Variants in PPP2R1A observed in about 807,000 individuals in gnomAD.
PPP2R1A encodes the protein serine/threonine-protein phosphatase 2A 65 kDa regulatory subunit A alpha isoform.
PPP2R1A carries 15 observed loss-of-function variants against 67.1 expected under a neutral mutation model. The ratio of observed to expected loss-of-function variants is 0.22; its 90% CI spans 0.15 to 0.34. The LOEUF (loss-of-function observed/expected upper bound fraction) is 0.34. Ranked by LOEUF, PPP2R1A falls within the 10% of genes least tolerant of loss-of-function variation. The pLI is 1.00. For synonymous variants in PPP2R1A, 337 were observed against 325.0 expected, an observed-to-expected ratio of 1.04 and a Z score of -0.40; for missense variants, 369 against 775.0, an observed-to-expected ratio of 0.48 and a Z score of 6.22.
At chr19:52,207,387 C>T (rs2089615325) in intron 3 of PPP2R1A, among the ~76,000 whole-genome samples, 1 of 152,138 alleles carries the variant, frequency 6.6e-6, no homozygotes, top group South Asian at 2.1e-4. Context: ...TCAACAAGGG[C>T]CCCCAGGGTC....
chr19:52,222,734 G>T (rs536372047), intron 13 of PPP2R1A, among the ~76,000 whole-genome samples: 5 of 152,148 alleles, frequency 3.3e-5, no homozygotes, highest in African/African-American at 1.2e-4. Flanking sequence ...AAAATTAGCC[G>T]GTGCGGTAGC....
At chr19:52,193,186 C>A (rs1412477385) in intron 1 of PPP2R1A, among the ~76,000 whole-genome samples, 2 of 152,166 alleles carry the variant, frequency 1.3e-5, no homozygotes, top group African/African-American at 4.8e-5. Flanking sequence ...ATGGCCAAAG[C>A]TGTGCAGCTG....
At position 52,191,644 on chromosome 19, in the gene PPP2R1A, A is replaced by G. The variant is rs556144165; in HGVS notation, c.78+1470A>G. On this transcript the variant is annotated intron_variant, in intron 1 of 14. Coordinates refer to ENST00000322088, the MANE Select transcript of PPP2R1A (RefSeq NM_014225.6). ...TGTTACTGATTGACAAGGGCAAGTT[A>G]GTTAATCTCTCTAGGCCTGTTTCCT... 6.6e-5 allele frequency among the ~76,000 whole-genome samples: 10 copies of G among 152,268 alleles called. No homozygotes were observed. The East Asian group carries it at 1.9e-3, about 29-fold the overall frequency.
chr19:52,197,419 A>G (rs1160867102), intron 1 of PPP2R1A, among the ~76,000 whole-genome samples: 1 of 152,144 alleles, frequency 6.6e-6, no homozygotes, highest in African/African-American at 2.4e-5. Flanking sequence ...TCATGCCTAT[A>G]ATCCTAGCAT....
intron 13 of PPP2R1A, among the ~76,000 whole-genome samples, chr19:52,223,876 A>G (rs139903951): frequency 5.9e-5 from 9 of 152,300 alleles, no homozygotes; most frequent in Admixed American, 3.9e-4. Context: ...CTGGGTCTCT[A>G]TCCAGGAGAA....
rs4389239 is a variant in PPP2R1A at position 52,193,122 on chromosome 19, G to A, written c.78+2948G>A. Among the ~76,000 whole-genome samples the A allele has an allele frequency of 1.6e-3, 239 of 152,296 alleles. 1 individual carries two copies. Among genetic ancestry groups the A allele is most frequent in the African/African-American group, 5.6e-3 (232 of 41,550 alleles). On this transcript the variant is annotated intron_variant, in intron 1 of 14. Coordinates refer to ENST00000322088, the MANE Select transcript of PPP2R1A (RefSeq NM_014225.6). ...TTCTCACAATCACTCTTTGAAGTAGGTCCTGTCCTTGTCCACATTTTCCAG... is the reference window on the plus strand; with the variant it reads ...TTCTCACAATCACTCTTTGAAGTAGATCCTGTCCTTGTCCACATTTTCCAG...
rs539393879 is a variant in PPP2R1A at position 52,226,066 on chromosome 19, T to G, written c.*85T>G. ...TCTTTGGGGAGACACTGGGGGGCCT[T>G]TGGCTGTCACTCCCTGTGCATGGTC... On this transcript the variant is annotated 3_prime_UTR_variant, in exon 15 of 15. Coordinates refer to ENST00000322088, the MANE Select transcript of PPP2R1A (RefSeq NM_014225.6). The G allele has an allele frequency of 6.3e-7, 1 of 1,596,290 alleles. No homozygotes were observed. The highest frequency in any genetic ancestry group is 1.7e-5 in the Admixed American group (1 of 59,938).
intron 9 of PPP2R1A, among the ~76,000 whole-genome samples, chr19:52,217,199 A>T (rs898993889): frequency 6.6e-6 from 1 of 152,120 alleles, no homozygotes; most frequent in Non-Finnish European, 1.5e-5. Context: ...CAAAAAAAAA[A>T]TTATTTATTT....
Position 52,211,123 on chromosome 19 carries a change from T to C in PPP2R1A, c.271-137T>C, listed in dbSNP as rs930963729. On this transcript the variant is annotated intron_variant, in intron 3 of 14. Coordinates refer to ENST00000322088, the MANE Select transcript of PPP2R1A (RefSeq NM_014225.6). The surrounding 1 kb of genome is among the most constrained non-coding windows in gnomAD (Gnocchi z 5.3). ...ATTCATTGCAACCATTTTTAAAGGC[T>C]ATTTTAATGAAGGTCGGGATGGGTA... is the stretch of plus-strand genomic sequence containing the variant. 2 of 732,570 alleles carry C rather than the reference T, an allele frequency of 2.7e-6. No homozygotes were observed. Among genetic ancestry groups the C allele is most frequent in the Non-Finnish European group, 4.4e-6 (2 of 453,756 alleles). The allele number at this position is 732,570 out of a possible 1,614,324, so 45.4% of individuals were successfully genotyped here.
chr19:52,190,276 G>T, intron 1 of PPP2R1A, 102 bp downstream of exon 1: 3 of 1,347,316 alleles, frequency 2.2e-6, no homozygotes, highest in Non-Finnish European at 3.1e-6. Context: ...GTGGCGGAAG[G>T]GGGCGACGGC....
At chr19:52,210,719 C>T (rs2122327857) in intron 3 of PPP2R1A, among the ~76,000 whole-genome samples, 1 of 152,204 alleles carries the variant, frequency 6.6e-6, no homozygotes, top group African/African-American at 2.4e-5. Context: ...GTCTTGAACT[C>T]CTGACCTCGT....
chr19:52,194,899 A>G (rs1463982266), intron 1 of PPP2R1A, among the ~76,000 whole-genome samples: 1 of 152,172 alleles, frequency 6.6e-6, no homozygotes, highest in African/African-American at 2.4e-5. Context: ...GTGTGGGACC[A>G]AGTCAGCAAG....
chr19:52,216,178 GCCCT>G lies in PPP2R1A; in HGVS notation c.993+106_993+109del. 4.6e-6 allele frequency: 6 copies of G among 1,304,208 alleles called. No individual in the cohort carries two copies. The highest frequency in any genetic ancestry group is 6.5e-6 in the Non-Finnish European group (6 of 920,036). 80.8% of individuals were successfully genotyped at this position (1,304,208 alleles called of 1,614,324 possible). ...TAGTCAGCTGCAAACTAGGTTCCCA[GCCCT>G]CTGGGACCAGGCAGCTCTTGGGTTT... On this transcript the variant is annotated intron_variant, in intron 8 of 14. Transcript: ENST00000322088. The surrounding 1 kb of genome is among the most constrained non-coding windows in gnomAD (Gnocchi z 4.3).
In PPP2R1A at chr19:52,210,423, C is replaced by T. The variant is rs925564936; in HGVS notation, c.271-837C>T. Among the ~76,000 whole-genome samples the T allele has an allele frequency of 5.6e-4, 85 of 151,276 alleles. 1 individual carries two copies. Among genetic ancestry groups the T allele is most frequent in the Non-Finnish European group, 1.9e-4 (13 of 67,934 alleles). On this transcript the variant is annotated intron_variant, in intron 3 of 14. Transcript: ENST00000322088. ...TCATGGGAAGCTTAGGTCAGGTTTTCGATCCTGACCTGTAGCTATTACTAG... is the reference window on the plus strand; with the variant it reads ...TCATGGGAAGCTTAGGTCAGGTTTTTGATCCTGACCTGTAGCTATTACTAG...
In PPP2R1A at chr19:52,209,495, T is replaced by G. The variant is rs530379002; in HGVS notation, c.271-1765T>G. ...TTTTTAAATGCTATTTTTAAACATTTGTTTTTATTCTTAGTTTTACTGTAA... is the reference window on the plus strand; with the variant it reads ...TTTTTAAATGCTATTTTTAAACATTGGTTTTTATTCTTAGTTTTACTGTAA... On this transcript the variant is annotated intron_variant, in intron 3 of 14. Coordinates refer to ENST00000322088, the MANE Select transcript of PPP2R1A (RefSeq NM_014225.6). Among the ~76,000 whole-genome samples, 151 of 152,234 alleles carry G rather than the reference T, an allele frequency of 9.9e-4. 2 individuals carry two copies. The highest frequency in any genetic ancestry group is 3.5e-3 in the African/African-American group (145 of 41,486).
At chr19:52,215,449 A>T (rs1318949670) in intron 6 of PPP2R1A, among the ~76,000 whole-genome samples, 1 of 152,234 alleles carries the variant, frequency 6.6e-6, no homozygotes, top group Admixed American at 6.5e-5. Context: ...AGTTGCAGTC[A>T]CTATATCATT....
At chr19:52,217,856 C>T (rs967117078) in intron 9 of PPP2R1A, among the ~76,000 whole-genome samples, 1 of 151,946 alleles carries the variant, frequency 6.6e-6, no homozygotes, top group Non-Finnish European at 1.5e-5. Flanking sequence ...AGGGTGACCA[C>T]TGGGGAAGGA....
intron 1 of PPP2R1A, among the ~76,000 whole-genome samples, chr19:52,199,454 C>A (rs1193337112): frequency 1.3e-5 from 2 of 152,178 alleles, no homozygotes; most frequent in Non-Finnish European, 1.5e-5. Context: ...CAGGCATGAG[C>A]CACTGCGCCT....
Position 52,228,806 on chromosome 19 carries a change from G to C in PPP2R1A, c.*2825G>C, listed in dbSNP as rs571545176. Reference sequence around the variant, plus strand: ...ACTTCTTTGGCTGTTTTTGCCAACAGCCTCTTCACTGACCCCTTCCTTCCA... The same window carrying C: ...ACTTCTTTGGCTGTTTTTGCCAACACCCTCTTCACTGACCCCTTCCTTCCA... On this transcript the variant is annotated 3_prime_UTR_variant, in exon 15 of 15. Coordinates refer to ENST00000322088, the MANE Select transcript of PPP2R1A (RefSeq NM_014225.6). 6.6e-6 allele frequency: 1 copy of C among 152,298 alleles called. No homozygotes were observed. Among genetic ancestry groups the C allele is most frequent in the African/African-American group, 2.4e-5 (1 of 41,458 alleles). The allele number at this position is 152,298 out of a possible 1,614,324, so 9.4% of individuals were successfully genotyped here.
Sources: allele counts gnomAD v4.1 joint callset (sites outside exome capture counted in the v4.1 genomes callset), GRCh38; gene constraint gnomAD v4.1.1; non-coding constraint Gnocchi (gnomAD v3.1); transcripts MANE v1.5; gene names NCBI Gene and HGNC (gene_info 2026-07-23, HGNC 2026-07-21).